Variants in TMTC2 observed in about 807,000 individuals in gnomAD.
TMTC2 encodes the protein protein O-mannosyl-transferase TMTC2.
A neutral mutation model predicts 82.4 loss-of-function variants in TMTC2; 43 were observed. The observed-to-expected ratio is 0.52, with a 90% CI of 0.41 to 0.67. The LOEUF (loss-of-function observed/expected upper bound fraction) is 0.67. Among genes scored for constraint, TMTC2 ranks in the 30% least tolerant of loss-of-function variants. The pLI, the probability that TMTC2 is intolerant of heterozygous loss-of-function variation, is 0.00. For synonymous variants in TMTC2, 408 were observed against 381.9 expected, an observed-to-expected ratio of 1.07 and a Z score of -0.80; for missense variants, 919 against 1,012.4, an observed-to-expected ratio of 0.91 and a Z score of 1.25.
chr12:82,752,779 T>C (rs1725327932), intron 1 of TMTC2, among the ~76,000 whole-genome samples: 1 of 151,982 alleles, frequency 6.6e-6, no homozygotes, highest in African/African-American at 2.4e-5. Flanking sequence ...ATAGGGACAG[T>C]GAACTTCATA....
At chr12:83,121,806 C>G (rs923060998) in intron 11 of TMTC2, among the ~76,000 whole-genome samples, 1 of 152,116 alleles carries the variant, frequency 6.6e-6, no homozygotes, top group African/African-American at 2.4e-5. Flanking sequence ...TGAGCTCACT[C>G]TCCTTGGGCA....
chr12:82,833,308 G>A (rs1198946390), intron 1 of TMTC2, among the ~76,000 whole-genome samples: 2 of 152,176 alleles, frequency 1.3e-5, no homozygotes, highest in Admixed American at 1.3e-4. Context: ...ATCCCAGTAT[G>A]AAGCTTGATC....
chr12:82,857,657 C>A (rs1871330447), intron 2 of TMTC2, 77 bp downstream of exon 2: 3 of 1,341,554 alleles, frequency 2.2e-6, no homozygotes, highest in Non-Finnish European at 3.0e-6. Context: ...ATTTAAAAAG[C>A]AAATTTATTC....
At chr12:82,835,932 C>T (rs1870012680) in intron 1 of TMTC2, among the ~76,000 whole-genome samples, 1 of 152,162 alleles carries the variant, frequency 6.6e-6, no homozygotes, top group South Asian at 2.1e-4. Context: ...GTGCTGTGGC[C>T]AGTACCCATT....
chr12:82,984,764 T>C (rs1405614927), intron 7 of TMTC2, among the ~76,000 whole-genome samples: 1 of 152,156 alleles, frequency 6.6e-6, no homozygotes, highest in African/African-American at 2.4e-5. Context: ...CAGTTGAATA[T>C]TTTGTTCACC....
intron 7 of TMTC2, among the ~76,000 whole-genome samples, chr12:82,973,315 CTT>C: frequency 6.6e-6 from 1 of 152,180 alleles, no homozygotes; most frequent in Non-Finnish European, 1.5e-5. Context: ...AGATAAGTCT[CTT>C]TATTTCATTT....
intron 1 of TMTC2, among the ~76,000 whole-genome samples, chr12:82,704,422 T>A (rs1873243694): frequency 6.6e-6 from 1 of 152,166 alleles, no homozygotes; most frequent in Admixed American, 6.6e-5. Context: ...GAAGCACATA[T>A]AAAAGTAGAG....
At chr12:82,860,042 C>T (rs1268027509) in intron 2 of TMTC2, among the ~76,000 whole-genome samples, 2 of 152,126 alleles carry the variant, frequency 1.3e-5, no homozygotes, top group Non-Finnish European at 2.9e-5. Context: ...GGCACGATCT[C>T]AGCTCACTGC....
Position 82,813,694 on chromosome 12 carries a change from T to C in TMTC2, c.84-43316T>C, listed in dbSNP as rs191009138. Reference sequence around the variant, plus strand: ...TTCTTGCCTACCCTCCCTACCCTTTTAATCTGTATTTCCTTTATCTGTTTT... The same window carrying C: ...TTCTTGCCTACCCTCCCTACCCTTTCAATCTGTATTTCCTTTATCTGTTTT... On this transcript the variant is annotated intron_variant, in intron 1 of 11. Transcript: ENST00000321196. 4.2e-3 allele frequency among the ~76,000 whole-genome samples: 638 copies of C among 152,242 alleles called. 2 individuals carry two copies. The highest frequency in any genetic ancestry group is 7.1e-3 in the Non-Finnish European group (482 of 67,990).
chr12:83,128,954 G>T (rs1051547488), intron 11 of TMTC2, among the ~76,000 whole-genome samples: 1 of 152,114 alleles, frequency 6.6e-6, no homozygotes, highest in South Asian at 2.1e-4. Flanking sequence ...TTTTATGTCA[G>T]AATAAACGTT....
intron 2 of TMTC2, 90 bp from the exon 3 acceptor site, chr12:82,895,728 T>C: frequency 8.3e-7 from 1 of 1,200,844 alleles, no homozygotes; most frequent in Non-Finnish European, 1.2e-6. Flanking sequence ...TAACGGTCCA[T>C]TTAAAAATGT....
At chr12:82,862,896 T>G (rs1871622718) in intron 2 of TMTC2, among the ~76,000 whole-genome samples, 1 of 152,212 alleles carries the variant, frequency 6.6e-6, no homozygotes, top group South Asian at 2.1e-4. Flanking sequence ...GGAGTTTATA[T>G]TCTATTAAAG....
At chr12:82,820,536 G>A (rs1278202880) in intron 1 of TMTC2, among the ~76,000 whole-genome samples, 2 of 151,800 alleles carry the variant, frequency 1.3e-5, no homozygotes, top group South Asian at 2.1e-4. Flanking sequence ...CACCACACCC[G>A]GCTAATTTTT....
At chr12:82,825,283 A>G (rs761298302) in intron 1 of TMTC2, among the ~76,000 whole-genome samples, 10 of 152,170 alleles carry the variant, frequency 6.6e-5, no homozygotes, top group Non-Finnish European at 1.0e-4. Context: ...GGAAATACAA[A>G]GTATTTATAA....
Position 83,126,800 on chromosome 12 carries a change from CT to C in TMTC2, c.2332-5400del, listed in dbSNP as rs928117333. On this transcript the variant is annotated intron_variant, in intron 11 of 11. Transcript: ENST00000321196. ...TGAAAGGAATGAGGTATTTAACATT[CT>C]TTTTTTTTTCCTGAAGCTTAACAGG... 1.0e-4 allele frequency among the ~76,000 whole-genome samples: 15 copies of C among 148,912 alleles called. No homozygotes were observed. The East Asian group carries it at 1.6e-3, about 16-fold the overall frequency.
chr12:83,128,007 T>C (rs1885146732), intron 11 of TMTC2, among the ~76,000 whole-genome samples: 1 of 152,176 alleles, frequency 6.6e-6, no homozygotes, highest in South Asian at 2.1e-4. Context: ...AAACAAGGAA[T>C]GTCTGGTTCT....
At chr12:82,976,436 G>T (rs1025556) in intron 7 of TMTC2, among the ~76,000 whole-genome samples, 117,046 of 151,906 alleles carry the variant, frequency 0.77, 46,214 homozygotes, top group East Asian at 0.96. Context: ...TGTCTTTCCT[G>T]TGTTTGCTTC....
At chr12:83,024,636 T>G (rs1003628891) in intron 8 of TMTC2, among the ~76,000 whole-genome samples, 5 of 152,126 alleles carry the variant, frequency 3.3e-5, no homozygotes, top group African/African-American at 1.2e-4. Context: ...TGAAATGAAG[T>G]TCTCTGGTTT....
chr12:82,961,209 A>G (rs1877912796), intron 4 of TMTC2, among the ~76,000 whole-genome samples: 1 of 147,448 alleles, frequency 6.8e-6, no homozygotes, highest in South Asian at 2.2e-4. Flanking sequence ...TATTATTATT[A>G]TTATTATTAT....
Sources: allele counts gnomAD v4.1 joint callset (sites outside exome capture counted in the v4.1 genomes callset), GRCh38; gene constraint gnomAD v4.1.1; transcripts MANE v1.5; gene names NCBI Gene and HGNC (gene_info 2026-07-23, HGNC 2026-07-21).